The following LUZP2 variants were observed in gnomAD, a reference collection of about 807,000 sequenced individuals.
LUZP2 encodes leucine zipper protein 2.
A neutral mutation model predicts 51.6 loss-of-function variants in LUZP2; 52 were observed. The observed-to-expected ratio is 1.01, with a 90% CI of 0.81 to 1.27. LUZP2 has a LOEUF of 1.27. Ranked by LOEUF, LUZP2 falls within the 50% of genes most tolerant of loss-of-function variation. The pLI is 0.00. For synonymous variants in LUZP2, 154 were observed against 137.3 expected, an observed-to-expected ratio of 1.12 and a Z score of -0.85; for missense variants, 436 against 395.4, an observed-to-expected ratio of 1.10 and a Z score of -0.87.
chr11:24,984,164 CTTCTAAA>C (rs1284113775), intron 9 of LUZP2, among the ~76,000 whole-genome samples: 1 of 151,582 alleles, frequency 6.6e-6, no homozygotes, highest in Non-Finnish European at 1.5e-5. Flanking sequence ...ACCAGCCTGA[CTTCTAAA>C]TGCAAATCTC....
At chr11:24,810,774 G>A (rs1849995354) in intron 5 of LUZP2, among the ~76,000 whole-genome samples, 1 of 152,082 alleles carries the variant, frequency 6.6e-6, no homozygotes. Context: ...GGTCATAAAG[G>A]AAGTAAAGGA....
At chr11:24,603,273 A>G (rs924508724) in intron 1 of LUZP2, among the ~76,000 whole-genome samples, 1 of 151,778 alleles carries the variant, frequency 6.6e-6, no homozygotes, top group Non-Finnish European at 1.5e-5. Flanking sequence ...TGACTCCACA[A>G]TGTATTATTT....
At chr11:24,540,010 C>A in intron 1 of LUZP2, among the ~76,000 whole-genome samples, 1 of 151,924 alleles carries the variant, frequency 6.6e-6, no homozygotes, top group East Asian at 1.9e-4. Context: ...TACATGAATT[C>A]TTTAACATTT....
chr11:24,823,634 C>T (rs546280683), intron 5 of LUZP2, among the ~76,000 whole-genome samples: 6 of 152,166 alleles, frequency 3.9e-5, no homozygotes, highest in Middle Eastern at 3.4e-3. Flanking sequence ...AAAGACTGTG[C>T]CTTAGGCTAT....
chr11:24,572,390 C>CT (rs1035846387), intron 1 of LUZP2, among the ~76,000 whole-genome samples: 9 of 151,110 alleles, frequency 6.0e-5, no homozygotes, highest in South Asian at 2.1e-4. Flanking sequence ...AGTTTATATA[C>CT]TTTTTTTTTG....
chr11:24,897,509 C>G (rs1261651704), intron 5 of LUZP2, among the ~76,000 whole-genome samples: 1 of 151,988 alleles, frequency 6.6e-6, no homozygotes, highest in East Asian at 1.9e-4. Flanking sequence ...CAAACAACTC[C>G]CGAGGCGCTG....
intron 1 of LUZP2, among the ~76,000 whole-genome samples, chr11:24,511,873 A>G (rs1850321871): frequency 6.6e-6 from 1 of 152,172 alleles, no homozygotes; most frequent in Admixed American, 6.6e-5. Flanking sequence ...GCTAAGTCTT[A>G]GCGAAGTGTC....
chr11:24,816,766 T>C (rs1850194932), intron 5 of LUZP2, among the ~76,000 whole-genome samples: 1 of 152,016 alleles, frequency 6.6e-6, no homozygotes, highest in Admixed American at 6.6e-5. Context: ...CTGAGGGAGG[T>C]ACTATTATTG....
At chr11:24,943,747 G>T (rs1449299685) in intron 7 of LUZP2, among the ~76,000 whole-genome samples, 1 of 151,712 alleles carries the variant, frequency 6.6e-6, no homozygotes, top group African/African-American at 2.4e-5. Flanking sequence ...GTGTCGTGGT[G>T]CATGCCTGTA....
intron 4 of LUZP2, among the ~76,000 whole-genome samples, chr11:24,748,675 T>G (rs1320821051): frequency 6.6e-6 from 1 of 152,140 alleles, no homozygotes; most frequent in African/African-American, 2.4e-5. Context: ...GCCGGGATGG[T>G]CTTGATCTCT....
chr11:25,072,186 G>T (rs1859178031), intron 10 of LUZP2, among the ~76,000 whole-genome samples: 1 of 152,060 alleles, frequency 6.6e-6, no homozygotes, highest in Admixed American at 6.6e-5. Flanking sequence ...TCTTACAGAG[G>T]TTGCCACTGG....
chr11:24,681,348 C>T (rs1590340712), intron 1 of LUZP2, among the ~76,000 whole-genome samples: 1 of 152,138 alleles, frequency 6.6e-6, no homozygotes, highest in Non-Finnish European at 1.5e-5. Flanking sequence ...CTCAGACATT[C>T]ATTCATAGAG....
At chr11:24,991,535 G>C (rs1856344827) in intron 9 of LUZP2, among the ~76,000 whole-genome samples, 1 of 151,566 alleles carries the variant, frequency 6.6e-6, no homozygotes, top group Admixed American at 6.6e-5. Flanking sequence ...AAATATGCGT[G>C]TGTAACTATC....
intron 1 of LUZP2, among the ~76,000 whole-genome samples, chr11:24,591,777 T>C (rs1853270920): frequency 6.6e-6 from 1 of 152,202 alleles, no homozygotes; most frequent in Non-Finnish European, 1.5e-5. Flanking sequence ...TGCAGTCACC[T>C]CCACAAGGCA....
At chr11:24,856,928 G>T (rs1304569542) in intron 5 of LUZP2, among the ~76,000 whole-genome samples, 3 of 151,964 alleles carry the variant, frequency 2.0e-5, no homozygotes, top group African/African-American at 7.2e-5. Context: ...CATCAGTAGA[G>T]ACTCAGAAGG....
At chr11:24,702,342 A>G (rs968691565) in intron 1 of LUZP2, among the ~76,000 whole-genome samples, 1 of 152,226 alleles carries the variant, frequency 6.6e-6, no homozygotes. Context: ...GATCCTCGAC[A>G]TAACCAATAA....
chr11:24,849,015 C>G (rs1851297585), intron 5 of LUZP2, among the ~76,000 whole-genome samples: 1 of 152,086 alleles, frequency 6.6e-6, no homozygotes, highest in Admixed American at 6.6e-5. Context: ...CATCTCTCTA[C>G]AAACATGAAC....
intron 1 of LUZP2, among the ~76,000 whole-genome samples, chr11:24,679,226 T>C (rs1028814943): frequency 6.6e-6 from 1 of 152,206 alleles, no homozygotes; most frequent in African/African-American, 2.4e-5. Flanking sequence ...TATTGCTTTA[T>C]TTACTCAAAT....
chr11:24,997,832 A>C (rs1217639041), intron 9 of LUZP2, among the ~76,000 whole-genome samples: 5 of 152,164 alleles, frequency 3.3e-5, no homozygotes, highest in Non-Finnish European at 7.4e-5. Flanking sequence ...TTAGCTTTCT[A>C]CATATGGCTA....
Sources: allele counts gnomAD v4.1 joint callset (sites outside exome capture counted in the v4.1 genomes callset), GRCh38; gene constraint gnomAD v4.1.1; transcripts MANE v1.5; gene names NCBI Gene and HGNC (gene_info 2026-07-23, HGNC 2026-07-21).